Variants in C8orf33 observed in about 807,000 individuals in gnomAD.
C8orf33 encodes the protein UPF0488 protein C8orf33.
Under a neutral mutation model 25.7 loss-of-function variants are expected in C8orf33, and 28 were observed. The ratio of observed to expected loss-of-function variants is 1.09; its 90% CI spans 0.81 to 1.49. The LOEUF is 1.49. Among genes scored for constraint, C8orf33 ranks in the 40% most tolerant of loss-of-function variants. The pLI is 0.00. For missense variants in C8orf33, 369 were observed against 294.4 expected, an observed-to-expected ratio of 1.25 and a Z score of -1.85; for synonymous variants, 153 against 115.9, an observed-to-expected ratio of 1.32 and a Z score of -2.06.
chr8:145,052,806 A>C lies in C8orf33; in HGVS notation c.227A>C (p.Lys76Thr). Reference sequence around the variant, plus strand: ...TCGAAAAAACAAAAGAATAAGAAGAAAACGCGGAACAGGGCCTCTGTGGCA... The same window carrying C: ...TCGAAAAAACAAAAGAATAAGAAGACAACGCGGAACAGGGCCTCTGTGGCA... ...TASKKQKNKK[K>T]TRNRASVANG... Residue 76 changes from lysine (K) to threonine (T), a missense_variant, in exon 2 of 5, where the codon AAA becomes ACA. Transcript: ENST00000331434. The C allele has an allele frequency of 6.2e-7, 1 of 1,614,016 alleles. No homozygotes were observed. The highest frequency in any genetic ancestry group is 2.2e-5 in the East Asian group (1 of 44,878).
Position 145,052,866 on chromosome 8 carries a change from CAGA to C in C8orf33, c.293_295del (p.Glu98del), listed in dbSNP as rs549434100. 1,714 of 1,613,432 alleles carry C rather than the reference CAGA, an allele frequency of 1.1e-3. 5 individuals are homozygous for C. The highest frequency in any genetic ancestry group is 3.0e-3 in the South Asian group (272 of 91,064). Reference sequence around the variant, plus strand: ...GAGAAGGCCTCAGAGAAACTCGCCCCAGAAGAAGTTCCCCTAAGCGCTGAGGCC... The same window carrying C: ...GAGAAGGCCTCAGAGAAACTCGCCCCAGAAGTTCCCCTAAGCGCTGAGGCC... On this transcript the variant is annotated inframe_deletion, in exon 2 of 5. Transcript: ENST00000331434.
Position 145,054,024 on chromosome 8 carries a change from A to C in C8orf33, c.557A>C (p.Tyr186Ser). ...EALRALRAAA[Y>S]SAQVQPVDGA... The stretch of plus-strand genomic sequence containing the variant: ...CTGCTTCTCTCCCCGACAGCTGCTT[A>C]TTCAGCCCAGGTGCAACCTGTAGAT... Residue 186 changes from tyrosine to serine, a missense_variant, in exon 5 of 5, where the codon TAT becomes TCT. Transcript: ENST00000331434. 1.2e-6 allele frequency: 2 copies of C among 1,613,938 alleles called. No homozygotes were observed. The highest frequency in any genetic ancestry group is 1.7e-6 in the Non-Finnish European group (2 of 1,179,994).
At position 145,052,797 on chromosome 8, in the gene C8orf33, A is replaced by G. The variant is rs773943541; in HGVS notation, c.218A>G (p.Asn73Ser). The change falls in exon 2 of 5, where the codon AAT becomes AGT. Residue 73 changes from asparagine (N) to serine (S), a missense_variant. Physicochemically the swap from Asn to Ser is conservative, Grantham distance 46 (BLOSUM62 1). Transcript: ENST00000331434. Reference protein sequence around the residue: ...EGGTASKKQKNKKKTRNRASV... With the variant: ...EGGTASKKQKSKKKTRNRASV... ...GGCACAGCGTCGAAAAAACAAAAGA[A>G]TAAGAAGAAAACGCGGAACAGGGCC... 3 of 1,614,096 alleles carry G rather than the reference A, an allele frequency of 1.9e-6. No homozygotes were observed. Among genetic ancestry groups the G allele is most frequent in the South Asian group, 2.2e-5 (2 of 91,088 alleles).
intron 4 of C8orf33, 59 bp downstream of exon 4, chr8:145,053,502 G>C (rs552121907): frequency 2.5e-6 from 4 of 1,573,154 alleles, no homozygotes; most frequent in Non-Finnish European, 3.5e-6. Context: ...AAGTGTCTAG[G>C]GGGTGAAAGG....
chr8:145,054,605 A>G lies in C8orf33; in HGVS notation c.*448A>G, dbSNP rs1233877201. The G allele has an allele frequency of 1.3e-5, 2 of 156,174 alleles. No individual in the cohort carries two copies. Among genetic ancestry groups the G allele is most frequent in the Non-Finnish European group, 2.8e-5 (2 of 70,748 alleles). 9.7% of individuals were successfully genotyped at this position (156,174 alleles called of 1,614,324 possible). A position where few individuals can be genotyped will look rare whatever the true frequency, so the allele number is the denominator to read the frequency against. Reference sequence around the variant, plus strand: ...TATTGCCCTAATCTCTATTTTTGATAAAATTGGATAAGGAGTGAAAGAGTA... The same window carrying G: ...TATTGCCCTAATCTCTATTTTTGATGAAATTGGATAAGGAGTGAAAGAGTA... On this transcript the variant is annotated 3_prime_UTR_variant, in exon 5 of 5. Transcript: ENST00000331434.
At chr8:145,052,955 G>C in intron 2 of C8orf33, 58 bp downstream of exon 2, 1 of 1,600,204 alleles carries the variant, frequency 6.2e-7, no homozygotes, top group Non-Finnish European at 8.5e-7. Flanking sequence ...CCACGGGCAC[G>C]TGTGATCTGG....
At chr8:145,053,615 A>G (rs1432544089) in intron 4 of C8orf33, 172 bp downstream of exon 4, 11 of 680,178 alleles carry the variant, frequency 1.6e-5, no homozygotes, top group Admixed American at 8.8e-5. Context: ...TCCTCTTCCT[A>G]GGACTGAACC....
In C8orf33 at chr8:145,053,694, G is replaced by T. The variant is rs118165118; in HGVS notation, c.550+251G>T. ...GGTCCTATGTTGGTCCTGCTCCTGG[G>T]TTGGGGAAAGCTGCCTCATGTCTTT... is the stretch of plus-strand genomic sequence containing the variant. On this transcript the variant is annotated intron_variant, in intron 4 of 4. Transcript: ENST00000331434. 5.7e-3 allele frequency: 3,348 copies of T among 583,826 alleles called. 12 individuals are homozygous for T. The highest frequency in any genetic ancestry group is 7.9e-3 in the Non-Finnish European group (2,621 of 332,434). The allele number at this position is 583,826 out of a possible 1,614,324, so 36.2% of individuals were successfully genotyped here.
chr8:145,053,262 A>T, intron 3 of C8orf33, 35 bp from the exon 4 acceptor site: 1 of 1,613,760 alleles, frequency 6.2e-7, no homozygotes, highest in Admixed American at 1.7e-5. Flanking sequence ...GGTCAGTAAT[A>T]GAGGTGTTCA....
At chr8:145,053,687 C>T in intron 4 of C8orf33, 3 of 587,344 alleles carry the variant, frequency 5.1e-6, no homozygotes, top group Non-Finnish European at 9.0e-6. Flanking sequence ...GTTGGTCCTG[C>T]TCCTGGGTTG....
intron 2 of C8orf33, 34 bp from the exon 3 acceptor site, chr8:145,053,028 C>T (rs1278248937): frequency 1.2e-6 from 2 of 1,613,266 alleles, no homozygotes; most frequent in Non-Finnish European, 1.7e-6. Context: ...TTTTCCAGTG[C>T]CCTCTCACAG....
chr8:145,053,494 G>A, intron 4 of C8orf33, 51 bp downstream of exon 4: 2 of 1,593,848 alleles, frequency 1.3e-6, no homozygotes, highest in Non-Finnish European at 1.7e-6. Context: ...TAAGGAGGAA[G>A]TGTCTAGGGG....
chr8:145,052,753 C>T lies in C8orf33; in HGVS notation c.174C>T (p.His58=), dbSNP rs185454911. 2 of 1,614,166 alleles carry T rather than the reference C, an allele frequency of 1.2e-6. No individual in the cohort carries two copies. Residue 58 remains histidine, a synonymous_variant, in exon 2 of 5, where the codon CAC becomes CAT. Transcript: ENST00000331434. ...GCAGTAACGCTGACTCCAGAGCGCA[C>T]CCGTTGGGCGATGAAGGCGGCACAG... ...PTCSNADSRA[H]PLGDEGGTAS...
rs1835336404 is a variant in C8orf33, at chr8:145,054,896, C to G, written c.*739C>G. On this transcript the variant is annotated 3_prime_UTR_variant, in exon 5 of 5. Coordinates refer to ENST00000331434, the MANE Select transcript of C8orf33 (RefSeq NM_023080.3). The stretch of plus-strand genomic sequence containing the variant: ...GCCATTCAGTCTCAGGCCCTCTGTT[C>G]CATGGAATTGGGAATCTCCAGGTGA... 1 of 152,168 alleles carries G rather than the reference C, an allele frequency of 6.6e-6. No individual in the cohort carries two copies. The highest frequency in any genetic ancestry group is 2.1e-4 in the South Asian group (1 of 4,828). 9.4% of individuals were successfully genotyped at this position (152,168 alleles called of 1,614,324 possible).
rs1473957106 is a variant in C8orf33 at position 145,052,989 on chromosome 8, G to T, written c.319-73G>T. 5 of 1,607,710 alleles carry T rather than the reference G, an allele frequency of 3.1e-6. No individual in the cohort carries two copies. The East Asian group carries it at 6.7e-5, about 22-fold the overall frequency. ...GGGGTCCGCGGAGTTAAGGCGGGGA[G>T]GGGCATGGGATGGGGCCGGCGGCTA... On this transcript the variant is annotated intron_variant, in intron 2 of 4. Transcript: ENST00000331434.
At position 145,055,192 on chromosome 8, in the gene C8orf33, A is replaced by C. The variant is rs1835340485; in HGVS notation, c.*1035A>C. 1 of 152,168 alleles carries C rather than the reference A, an allele frequency of 6.6e-6. No homozygotes were observed. Among genetic ancestry groups the C allele is most frequent in the South Asian group, 2.1e-4 (1 of 4,834 alleles). 9.4% of individuals were successfully genotyped at this position (152,168 alleles called of 1,614,324 possible). A position where few individuals can be genotyped will look rare whatever the true frequency, so the allele number is the denominator to read the frequency against. On this transcript the variant is annotated 3_prime_UTR_variant, in exon 5 of 5. Coordinates refer to ENST00000331434, the MANE Select transcript of C8orf33 (RefSeq NM_023080.3). ...GGGCACGAGCTGTTCCAGTATAATAAAATATATAAAATAAGAAGAGTTATA... is the reference window on the plus strand; with the variant it reads ...GGGCACGAGCTGTTCCAGTATAATACAATATATAAAATAAGAAGAGTTATA...
chr8:145,052,721 C>T lies in C8orf33; in HGVS notation c.142C>T (p.Pro48Ser). 6.2e-7 allele frequency: 1 copy of T among 1,614,192 alleles called. No individual in the cohort carries two copies. The highest frequency in any genetic ancestry group is 8.5e-7 in the Non-Finnish European group (1 of 1,180,032). ...PSTVCLCPEQ[P>S]TCSNADSRAH... is the part of the protein sequence containing the mutation. ...CACTGTCTGTCTCTGCCCAGAGCAA[C>T]CTACGTGCAGTAACGCTGACTCCAG... Residue 48 changes from proline (P) to serine (S), a missense_variant, in exon 2 of 5, where the codon CCT becomes TCT. Transcript: ENST00000331434.
In C8orf33 at chr8:145,055,561, T is replaced by C. The variant is rs1835348085; in HGVS notation, c.*1404T>C. On this transcript the variant is annotated 3_prime_UTR_variant, in exon 5 of 5. Transcript: ENST00000331434. ...AGCAGACTGGGAAAAGGAGCCTCCCTTTCCCCGGGGGAGTTTAGAGAAGAC... is the reference window on the plus strand; with the variant it reads ...AGCAGACTGGGAAAAGGAGCCTCCCCTTCCCCGGGGGAGTTTAGAGAAGAC... 2 of 166,150 alleles carry C rather than the reference T, an allele frequency of 1.2e-5. No individual in the cohort carries two copies. The highest frequency in any genetic ancestry group is 3.1e-4 in the South Asian group (2 of 6,440). The allele number at this position is 166,150 out of a possible 1,614,324, so 10.3% of individuals were successfully genotyped here. A position where few individuals can be genotyped will look rare whatever the true frequency, so the allele number is the denominator to read the frequency against.
chr8:145,053,637 G>A (rs928191353), intron 4 of C8orf33, 194 bp downstream of exon 4: 4 of 638,470 alleles, frequency 6.3e-6, no homozygotes, highest in Admixed American at 5.9e-5. Flanking sequence ...GGGAAGCAGC[G>A]GGGAGGCCCT....
Sources: allele counts gnomAD v4.1 joint callset, GRCh38; gene constraint gnomAD v4.1.1; transcripts MANE v1.5; gene names NCBI Gene and HGNC (gene_info 2026-07-23, HGNC 2026-07-21).